HLF: variants seen among roughly 807,000 people sequenced by gnomAD.
HLF encodes the protein HLF transcription factor, PAR bZIP family member.
HLF carries 3 observed loss-of-function variants against 22.6 expected under a neutral mutation model. The observed-to-expected ratio is 0.13, with a 90% CI of 0.06 to 0.34. HLF has a LOEUF of 0.34. Among genes scored for constraint, HLF ranks in the 10% least tolerant of loss-of-function variants. HLF has a pLI of 1.00. For missense variants in HLF, 299 were observed against 389.2 expected (o/e 0.77, Z 1.95); for synonymous variants, 151 against 151.8 (o/e 0.99, Z 0.04).
chr17:55,276,268 C>A (rs1184086190), intron 2 of HLF, among the ~76,000 whole-genome samples: 1 of 152,108 alleles, frequency 6.6e-6, no homozygotes, highest in African/African-American at 2.4e-5. Flanking sequence ...CTGCTAGTTT[C>A]AAGAGACAGT....
intron 3 of HLF, among the ~76,000 whole-genome samples, chr17:55,318,632 T>G (rs941358143): frequency 2.6e-5 from 4 of 152,160 alleles, no homozygotes; most frequent in African/African-American, 9.7e-5. Context: ...CTTGTTCTTA[T>G]GTACCCCTTC....
At position 55,304,029 on chromosome 17, in the gene HLF, G is replaced by A. The variant is rs544193836; in HGVS notation, c.452-11198G>A. Among the ~76,000 whole-genome samples the A allele has an allele frequency of 3.3e-5, 5 of 152,168 alleles. 1 individual carries two copies. In the East Asian group the frequency reaches 9.6e-4, roughly 29 times the overall value. On this transcript the variant is annotated intron_variant, in intron 2 of 3. Coordinates refer to ENST00000226067, the MANE Select transcript of HLF (RefSeq NM_002126.5). ...TCTTTGGGGCATGGTTTCAATATGA[G>A]TGTGGGAAAGGGGAAGCCATTGCCT...
At chr17:55,286,328 C>A (rs951835784) in intron 2 of HLF, among the ~76,000 whole-genome samples, 1 of 152,014 alleles carries the variant, frequency 6.6e-6, no homozygotes, top group African/African-American at 2.4e-5. Flanking sequence ...ATAGTACCCC[C>A]CTTTCTCCAC....
At chr17:55,310,125 C>A (rs1272057950) in intron 2 of HLF, among the ~76,000 whole-genome samples, 1 of 152,194 alleles carries the variant, frequency 6.6e-6, no homozygotes, top group East Asian at 1.9e-4. Context: ...AACTTCTATT[C>A]TTTTTCCAGA....
At chr17:55,278,570 C>G (rs960637346) in intron 2 of HLF, among the ~76,000 whole-genome samples, 3 of 152,078 alleles carry the variant, frequency 2.0e-5, no homozygotes, top group Admixed American at 1.3e-4. Flanking sequence ...AAGGATGCCA[C>G]CAGGCCCTGA....
intron 2 of HLF, among the ~76,000 whole-genome samples, chr17:55,294,204 C>T (rs572093409): frequency 7.9e-5 from 12 of 152,220 alleles, no homozygotes; most frequent in Non-Finnish European, 1.5e-4. Context: ...TCAGTCAAAG[C>T]TTCATTCTCC....
At chr17:55,305,922 AGC>A (rs1351810629) in intron 2 of HLF, among the ~76,000 whole-genome samples, 17 of 152,236 alleles carry the variant, frequency 1.1e-4, no homozygotes, top group African/African-American at 3.9e-4. Flanking sequence ...CAAATTATTT[AGC>A]ATATCTGAGC....
At chr17:55,294,314 T>C (rs575787882) in intron 2 of HLF, among the ~76,000 whole-genome samples, 44 of 152,308 alleles carry the variant, frequency 2.9e-4, no homozygotes, top group Admixed American at 1.3e-3. Context: ...TCGACCATGG[T>C]GAGAAGTCCT....
At chr17:55,281,495 A>G (rs1035492555) in intron 2 of HLF, among the ~76,000 whole-genome samples, 2 of 152,204 alleles carry the variant, frequency 1.3e-5, no homozygotes, top group African/African-American at 4.8e-5. Flanking sequence ...CCTGGGCAAC[A>G]AGAGCAAAAC....
chr17:55,283,126 GAAAA>G (rs546493517), intron 2 of HLF, among the ~76,000 whole-genome samples: 1 of 144,898 alleles, frequency 6.9e-6, no homozygotes, highest in Non-Finnish European at 1.5e-5. Flanking sequence ...ATAAAGAAAA[GAAAA>G]AAAAAAGGAA....
chr17:55,293,002 C>T (rs1175150272), intron 2 of HLF, among the ~76,000 whole-genome samples: 2 of 152,098 alleles, frequency 1.3e-5, no homozygotes, highest in Non-Finnish European at 2.9e-5. Flanking sequence ...TTAGCGGGGG[C>T]TGGGATGTGG....
chr17:55,288,934 A>G (rs2081033451), intron 2 of HLF: 1 of 985,358 alleles, frequency 1.0e-6, no homozygotes, highest in Non-Finnish European at 1.2e-6. Context: ...ATCACCTGTA[A>G]GAGTTCTTAA....
chr17:55,306,539 TG>T (rs1336742961), intron 2 of HLF, among the ~76,000 whole-genome samples: 1 of 73,604 alleles, frequency 1.4e-5, no homozygotes, highest in African/African-American at 4.8e-5. Flanking sequence ...AAAAAGGAAG[TG>T]TGTGTGTGTG....
rs372815309 is a variant in HLF, at chr17:55,292,910, T to G, written c.452-22317T>G. On this transcript the variant is annotated intron_variant, in intron 2 of 3. Coordinates refer to ENST00000226067, the MANE Select transcript of HLF (RefSeq NM_002126.5). ...CATTCACAGGAAGACAAATATTGTA[T>G]GTTCTTATTCAAATTGGGAGCTAAA... Among the ~76,000 whole-genome samples, 53 of 152,332 alleles carry G rather than the reference T, an allele frequency of 3.5e-4. No individual in the cohort carries two copies. In the East Asian group the frequency reaches 9.4e-3, roughly 27 times the overall value.
At chr17:55,291,651 A>C (rs116767367) in intron 2 of HLF, among the ~76,000 whole-genome samples, 1 of 152,202 alleles carries the variant, frequency 6.6e-6, no homozygotes, top group Non-Finnish European at 1.5e-5. Context: ...TCTTCAGCCT[A>C]TGGATCAAGG....
At chr17:55,282,886 A>G (rs182884695) in intron 2 of HLF, among the ~76,000 whole-genome samples, 2 of 152,336 alleles carry the variant, frequency 1.3e-5, no homozygotes, top group East Asian at 3.9e-4. Context: ...TTTAAAAACT[A>G]ACGCTGAAAA....
intron 2 of HLF, among the ~76,000 whole-genome samples, chr17:55,279,582 A>G (rs73990631): frequency 0.012 from 1,824 of 152,084 alleles, 32 homozygotes; most frequent in African/African-American, 0.041. Context: ...TTATATATAT[A>G]TATTTTTAAT....
intron 2 of HLF, among the ~76,000 whole-genome samples, chr17:55,282,691 G>A (rs913034999): frequency 1.3e-5 from 2 of 152,118 alleles, no homozygotes; most frequent in Non-Finnish European, 2.9e-5. Flanking sequence ...TAAAATGTAG[G>A]TGCTGTTTCT....
rs544980751 is a variant in HLF at position 55,322,941 on chromosome 17, G to A, written c.*2062G>A. On this transcript the variant is annotated 3_prime_UTR_variant, in exon 4 of 4. Transcript: ENST00000226067. ...AAATGTCAAGAAATTCTGCTGTTAC[G>A]ACAAAGAAACATTTTACGCTAGATT... The A allele has an allele frequency of 6.7e-5, 15 of 224,182 alleles. No individual in the cohort carries two copies. The highest frequency in any genetic ancestry group is 1.1e-4 in the Non-Finnish European group (12 of 112,338). 13.9% of individuals were successfully genotyped at this position (224,182 alleles called of 1,614,324 possible).
Sources: allele counts gnomAD v4.1 joint callset (sites outside exome capture counted in the v4.1 genomes callset), GRCh38; gene constraint gnomAD v4.1.1; transcripts MANE v1.5; gene names NCBI Gene and HGNC (gene_info 2026-07-23, HGNC 2026-07-21).